Variants in N4BP2 observed in about 807,000 individuals in gnomAD.
The protein encoded by N4BP2 is NEDD4-binding protein 2.
N4BP2 carries 91 observed loss-of-function variants against 152.8 expected under a neutral mutation model. The ratio of observed to expected loss-of-function variants is 0.60; its 90% CI spans 0.50 to 0.71. The LOEUF (loss-of-function observed/expected upper bound fraction) is 0.71. N4BP2 is among the 30% of genes least tolerant of loss of function. The pLI, the probability that N4BP2 is intolerant of heterozygous loss-of-function variation, is 0.00. For synonymous variants in N4BP2, 646 were observed against 705.3 expected, an observed-to-expected ratio of 0.92 and a Z score of 1.33; for missense variants, 1,923 against 2,059.1, an observed-to-expected ratio of 0.93 and a Z score of 1.28.
At position 40,113,520 on chromosome 4, in the gene N4BP2, A is replaced by C; in HGVS notation, c.1664+12A>C. The C allele has an allele frequency of 6.3e-7, 1 of 1,597,176 alleles. No individual in the cohort carries two copies. Among genetic ancestry groups the C allele is most frequent in the Non-Finnish European group, 8.6e-7 (1 of 1,165,330 alleles). ...AAGGAACTTGCAAGGTAAAACTTGG[A>C]GGCTACCTAACATGCTTTTTATGTA... is the stretch of plus-strand genomic sequence containing the variant. On this transcript the variant is annotated intron_variant, in intron 7 of 17. Coordinates refer to ENST00000261435, the MANE Select transcript of N4BP2 (RefSeq NM_018177.6).
intron 7 of N4BP2, among the ~76,000 whole-genome samples, chr4:40,115,884 G>C (rs1296999557): frequency 6.6e-6 from 1 of 152,162 alleles, no homozygotes; most frequent in Non-Finnish European, 1.5e-5. Flanking sequence ...GTATTTGAGA[G>C]ATGAATGTTG....
intron 7 of N4BP2, among the ~76,000 whole-genome samples, chr4:40,117,568 A>G (rs191764742): frequency 3.1e-4 from 47 of 152,360 alleles, no homozygotes; most frequent in Admixed American, 2.0e-3. Context: ...AGCTTATAAT[A>G]AAAAACATTT....
chr4:40,190,200 T>C, the N4BP2 span, among the ~76,000 whole-genome samples: 37 of 152,350 alleles, frequency 2.4e-4, 1 homozygote, highest in South Asian at 7.5e-3. Context: ...GCTATTTCTG[T>C]TCTTGTTGTT....
At chr4:40,069,923 A>G (rs1711976496) in intron 1 of N4BP2, among the ~76,000 whole-genome samples, 1 of 152,176 alleles carries the variant, frequency 6.6e-6, no homozygotes, top group South Asian at 2.1e-4. Context: ...TCTTAAAAAA[A>G]CAAAAAACAA....
chr4:40,120,278 G>C lies in N4BP2; in HGVS notation c.2167G>C (p.Val723Leu). 3 of 1,613,690 alleles carry C rather than the reference G, an allele frequency of 1.9e-6. No individual in the cohort carries two copies. Among genetic ancestry groups the C allele is most frequent in the Non-Finnish European group, 2.5e-6 (3 of 1,179,846 alleles). ...TGACACAGATAGTTCTATGGAGAGA[G>C]TATCACCTAGTACTTGCTGTAGTGA... is the stretch of plus-strand genomic sequence containing the variant. The part of the protein sequence containing the change: ...KTDTDSSMER[V>L]SPSTCCSENN... Residue 723 changes from valine to leucine, a missense_variant, in exon 9 of 18, where the codon GTA becomes CTA. By Grantham distance (32) the Val-to-Leu change is conservative (BLOSUM62 1). Transcript: ENST00000261435.
intron 1 of N4BP2, among the ~76,000 whole-genome samples, chr4:40,058,859 C>T (rs1268061267): frequency 6.6e-6 from 1 of 152,038 alleles, no homozygotes; most frequent in Non-Finnish European, 1.5e-5. Flanking sequence ...CTGGCCGTAT[C>T]GCCAAGGCTG....
intron 1 of N4BP2, among the ~76,000 whole-genome samples, chr4:40,059,503 C>T (rs1269526840): frequency 6.6e-6 from 1 of 151,964 alleles, no homozygotes; most frequent in Non-Finnish European, 1.5e-5. Flanking sequence ...GTGCTCAACA[C>T]CACACCTGGC....
intron 4 of N4BP2, among the ~76,000 whole-genome samples, chr4:40,103,538 A>T (rs1303132839): frequency 2.0e-5 from 3 of 152,196 alleles, no homozygotes; most frequent in Non-Finnish European, 4.4e-5. Flanking sequence ...TTGATCACAG[A>T]GTTAAAGAGA....
At position 40,134,591 on chromosome 4, in the gene N4BP2, A is replaced by G. The variant is rs561394868; in HGVS notation, c.4647-2353A>G. On this transcript the variant is annotated intron_variant, in intron 13 of 17. Transcript: ENST00000261435. The stretch of plus-strand genomic sequence containing the variant: ...TCTAGGGCTGTTTGCCTCAAACAAC[A>G]TCAGGGCTGGAGACTGACTTCCAGC... Among the ~76,000 whole-genome samples, 16 of 152,304 alleles carry G rather than the reference A, an allele frequency of 1.1e-4. No homozygotes were observed. In the South Asian group the frequency reaches 3.3e-3, roughly 32 times the overall value.
chr4:40,087,373 G>T (rs1162111988), intron 2 of N4BP2, among the ~76,000 whole-genome samples: 1 of 151,620 alleles, frequency 6.6e-6, no homozygotes, highest in African/African-American at 2.4e-5. Flanking sequence ...AAAAAATTAG[G>T]TTTTTTTTGA....
the N4BP2 span, among the ~76,000 whole-genome samples, chr4:40,178,238 T>C: frequency 2.0e-5 from 3 of 152,032 alleles, no homozygotes; most frequent in Non-Finnish European, 2.9e-5. Context: ...GTGTACAATC[T>C]AAAAACAATC....
intron 5 of N4BP2, among the ~76,000 whole-genome samples, chr4:40,111,656 C>T (rs957842774): frequency 1.3e-5 from 2 of 151,798 alleles, no homozygotes; most frequent in African/African-American, 2.4e-5. Flanking sequence ...TACTCTGTTG[C>T]CCAGGCTGGA....
At chr4:40,067,292 A>G (rs1711624382) in intron 1 of N4BP2, among the ~76,000 whole-genome samples, 3 of 151,572 alleles carry the variant, frequency 2.0e-5, no homozygotes, top group Non-Finnish European at 4.4e-5. Context: ...TCAAGTGATC[A>G]GTTAGTTAGC....
chr4:40,085,290 C>A (rs1713830098), intron 2 of N4BP2, among the ~76,000 whole-genome samples: 2 of 152,144 alleles, frequency 1.3e-5, no homozygotes, highest in Admixed American at 6.6e-5. Context: ...CCCGCCTCAG[C>A]CTCCCAAAGT....
chr4:40,093,599 TTTA>T (rs1051921138), intron 2 of N4BP2, among the ~76,000 whole-genome samples: 8 of 145,484 alleles, frequency 5.5e-5, no homozygotes, highest in Non-Finnish European at 7.7e-5. Context: ...TATTTATTTA[TTTA>T]TTATTATTAT....
rs555919786 is a variant in N4BP2, at chr4:40,088,953, T to G, written c.-114-8274T>G. Among the ~76,000 whole-genome samples, 8 of 152,258 alleles carry G rather than the reference T, an allele frequency of 5.3e-5. No homozygotes were observed. In the South Asian group the frequency reaches 6.2e-4, roughly 12 times the overall value. ...GTTTGGTTTTTATTTTTTGTTTTTT[T>G]TGTGTGTGTTTTTTTGAAACAGAGT... On this transcript the variant is annotated intron_variant, in intron 2 of 17. Coordinates refer to ENST00000261435, the MANE Select transcript of N4BP2 (RefSeq NM_018177.6).
downstream of N4BP2, among the ~76,000 whole-genome samples, chr4:40,159,606 C>T (rs1016374653): frequency 1.3e-5 from 2 of 152,122 alleles, no homozygotes; most frequent in Admixed American, 1.3e-4. Context: ...TTGGAACCTG[C>T]CGTAGGACAC....
chr4:40,154,354 T>A lies in N4BP2; in HGVS notation c.*117T>A. 1.7e-6 allele frequency: 1 copy of A among 590,328 alleles called. No homozygotes were observed. Among genetic ancestry groups the A allele is most frequent in the Non-Finnish European group, 2.8e-6 (1 of 361,984 alleles). The allele number at this position is 590,328 out of a possible 1,614,324, so 36.6% of individuals were successfully genotyped here. A position where few individuals can be genotyped will look rare whatever the true frequency, so the allele number is the denominator to read the frequency against. On this transcript the variant is annotated 3_prime_UTR_variant, in exon 18 of 18. Coordinates refer to ENST00000261435, the MANE Select transcript of N4BP2 (RefSeq NM_018177.6). ...TTTTATTATAAATAATATTCAATTATGAAACAAAAAAATTATGATGTTTTT... is the reference window on the plus strand; with the variant it reads ...TTTTATTATAAATAATATTCAATTAAGAAACAAAAAAATTATGATGTTTTT...
chr4:40,119,779 A>G (rs1175295888), intron 8 of N4BP2, among the ~76,000 whole-genome samples, 153 bp from the exon 9 acceptor site: 2 of 152,186 alleles, frequency 1.3e-5, no homozygotes, highest in Non-Finnish European at 2.9e-5. Context: ...TTAGAGAAAG[A>G]TCAGAATTAG....
Sources: gnomAD v4.1 joint callset for allele counts (sites outside exome capture counted in the v4.1 genomes callset) on GRCh38, gnomAD v4.1.1 for gene constraint, MANE v1.5 for transcripts, NCBI Gene and HGNC (gene_info 2026-07-23, HGNC 2026-07-21) for gene names.